Variants in SHC1 observed in about 807,000 individuals in gnomAD.
SHC1 encodes SHC-transforming protein 1.
SHC1 carries 30 observed loss-of-function variants against 55.9 expected under a neutral mutation model. The observed-to-expected ratio is 0.54, with a 90% CI of 0.40 to 0.73. The LOEUF is 0.73. Ranked by LOEUF, SHC1 falls within the 30% of genes least tolerant of loss-of-function variation. The probability of loss-of-function intolerance (pLI) is 0.00; values close to 1 mark genes in which losing one functional copy is unlikely to be tolerated. For synonymous variants in SHC1, 309 were observed against 306.1 expected, an observed-to-expected ratio of 1.01 and a Z score of -0.10; for missense variants, 675 against 777.1, an observed-to-expected ratio of 0.87 and a Z score of 1.56.
In SHC1 at chr1:154,963,792, G is replaced by A. The variant is rs569900734; in HGVS notation, c.*11C>T. 5.0e-6 allele frequency: 8 copies of A among 1,613,258 alleles called. No individual in the cohort carries two copies. Among genetic ancestry groups the A allele is most frequent in the South Asian group, 3.3e-5 (3 of 91,030 alleles). ...TGGAGGGCATCTTCTGGAAGAGAGC[G>A]CTAGGGCAGATCACAGTTTCCGCTC... On this transcript the variant is annotated 3_prime_UTR_variant, in exon 12 of 12. Transcript: ENST00000448116.
At chr1:154,969,648 A>ACCT (rs1656481637) in intron 1 of SHC1, among the ~76,000 whole-genome samples, 200 bp from the exon 2 acceptor site, 1 of 152,312 alleles carries the variant, frequency 6.6e-6, no homozygotes, top group African/African-American at 2.4e-5. Flanking sequence ...GGCTAGAAGG[A>ACCT]CCTCACACAC....
chr1:154,964,336 G>A (rs1301530881), intron 11 of SHC1: 1 of 463,368 alleles, frequency 2.2e-6, no homozygotes, highest in South Asian at 1.6e-5. Flanking sequence ...GGGAGTTCAA[G>A]AACAGCTTGG....
At chr1:154,965,475 A>AG in intron 11 of SHC1, 68 bp downstream of exon 11, 2 of 1,613,490 alleles carry the variant, frequency 1.2e-6, no homozygotes, top group Non-Finnish European at 1.7e-6. Context: ...GGGAAGGAAG[A>AG]GGGATACACT....
Position 154,963,661 on chromosome 1 carries a change from G to A in SHC1, c.*142C>T. ...TGACTCAAACCCTCTCACTCAGCTG[G>A]ATATGAAACCCAGAGTCCATGCTAC... On this transcript the variant is annotated 3_prime_UTR_variant, in exon 12 of 12. Transcript: ENST00000448116. 1.3e-6 allele frequency: 1 copy of A among 775,714 alleles called. No homozygotes were observed. The highest frequency in any genetic ancestry group is 2.1e-6 in the Non-Finnish European group (1 of 483,074). 48.1% of individuals were successfully genotyped at this position (775,714 alleles called of 1,614,324 possible).
Position 154,962,368 on chromosome 1 carries a change from A to G in SHC1, c.*1435T>C, listed in dbSNP as rs2102002639. ...GTGAGACCCGTGGAAACATCCAAACAGCAAAAGGAGGCCAGGATGAAAACG... is the reference window on the plus strand; with the variant it reads ...GTGAGACCCGTGGAAACATCCAAACGGCAAAAGGAGGCCAGGATGAAAACG... On this transcript the variant is annotated 3_prime_UTR_variant, in exon 12 of 12. Transcript: ENST00000448116. 6.5e-6 allele frequency: 1 copy of G among 152,922 alleles called. No homozygotes were observed. Among genetic ancestry groups the G allele is most frequent in the East Asian group, 1.9e-4 (1 of 5,314 alleles). 9.5% of individuals were successfully genotyped at this position (152,922 alleles called of 1,614,324 possible).
intron 1 of SHC1, 48 bp downstream of exon 1, chr1:154,969,984 G>A: frequency 6.2e-7 from 1 of 1,604,396 alleles, no homozygotes; most frequent in Non-Finnish European, 8.5e-7. Context: ...GTGAGCATTA[G>A]AACTGGAGGG....
At chr1:154,970,748 G>C (rs895695381), upstream of SHC1, 1 of 476,006 alleles carries the variant, frequency 2.1e-6, no homozygotes. The surrounding 1 kb of genome is among the most constrained non-coding windows in gnomAD (Gnocchi z 5.5). Flanking sequence ...CCTCTTCTCT[G>C]GCTGAGAAGA....
At position 154,963,593 on chromosome 1, in the gene SHC1, G is replaced by T; in HGVS notation, c.*210C>A. 1.8e-6 allele frequency: 1 copy of T among 547,552 alleles called. No homozygotes were observed. The highest frequency in any genetic ancestry group is 3.3e-6 in the Non-Finnish European group (1 of 305,620). 33.9% of individuals were successfully genotyped at this position (547,552 alleles called of 1,614,324 possible). A position where few individuals can be genotyped will look rare whatever the true frequency, so the allele number is the denominator to read the frequency against. On this transcript the variant is annotated 3_prime_UTR_variant, in exon 12 of 12. Transcript: ENST00000448116. ...GGCCACTCTGTACATTAATACTTTG[G>T]TGATTAATGTTTGGGGAGAGGCAGG...
At chr1:154,965,908 A>T (rs766319330) in intron 10 of SHC1, 38 bp downstream of exon 10, 1 of 1,592,038 alleles carries the variant, frequency 6.3e-7, no homozygotes, top group African/African-American at 1.3e-5. Context: ...ACCAAGTAGA[A>T]AGGTGGGGAT....
rs1166781333 is a variant in SHC1, at chr1:154,968,215, C to T, written c.793G>A (p.Gly265Ser). 4 of 1,614,086 alleles carry T rather than the reference C, an allele frequency of 2.5e-6. No individual in the cohort carries two copies. Among genetic ancestry groups the T allele is most frequent in the Admixed American group, 1.7e-5 (1 of 60,020 alleles). ...HHMQSISFAS[G>S]GDPDTAEYVA... ...GTTCCCCAACTCACCGGATCCCCGC[C>T]GGATGCAAATGAGATAGATTGCATG... is the stretch of plus-strand genomic sequence containing the variant. Residue 265 changes from glycine (G) to serine (S), a missense_variant, in exon 5 of 12, where the codon GGC (glycine) becomes AGC (serine). This residue lies in a region of SHC1 where 159 missense variants were observed against 246.9 expected (regional missense o/e 0.64). Coordinates refer to ENST00000448116, the MANE Select transcript of SHC1 (RefSeq NM_001130040.2).
chr1:154,964,794 G>A (rs1473768553), intron 11 of SHC1, among the ~76,000 whole-genome samples: 3 of 152,212 alleles, frequency 2.0e-5, no homozygotes, highest in Non-Finnish European at 2.9e-5. Flanking sequence ...AGAACAGTGA[G>A]GCAGTGCAGA....
In SHC1 at chr1:154,970,321, C is replaced by T. The variant is rs746354170; in HGVS notation, c.206G>A (p.Arg69Lys). ...CSFFPRMSNL[R>K]LANPAGGRPG... ...GCGCCCCCCAGCCGGGTTGGCCAGC[C>T]TCAGGTTGCTCATCCGGGGGAAGAA... Residue 69 changes from arginine to lysine, a missense_variant, in exon 1 of 12, where the codon AGG becomes AAG. Transcript: ENST00000448116. This position sits in a 1 kb window ranked among gnomAD's most constrained non-coding sequence, Gnocchi z 5.5. 14 of 1,605,602 alleles carry T rather than the reference C, an allele frequency of 8.7e-6. No homozygotes were observed. The highest frequency in any genetic ancestry group is 1.7e-6 in the Non-Finnish European group (2 of 1,175,558).
Position 154,967,553 on chromosome 1 carries a change from G to A in SHC1, c.983+118C>T, listed in dbSNP as rs974690359. 8.9e-5 allele frequency: 97 copies of A among 1,091,440 alleles called. 1 individual carries two copies. In the South Asian group the frequency reaches 1.6e-3, roughly 18 times the overall value. 67.6% of individuals were successfully genotyped at this position (1,091,440 alleles called of 1,614,324 possible). A position where few individuals can be genotyped will look rare whatever the true frequency, so the allele number is the denominator to read the frequency against. On this transcript the variant is annotated intron_variant, in intron 7 of 11. Transcript: ENST00000448116. ...GAAACAGAAGAATAGCAGGAAGTGG[G>A]AAGCAGAGGCACACAGGTTATTCCC...
At chr1:154,973,645 C>T (rs959925391), upstream of SHC1, 5 of 152,100 alleles carry the variant, frequency 3.3e-5, no homozygotes, top group African/African-American at 9.7e-5. Flanking sequence ...GAAAACTGAT[C>T]CCAAGGCCCA....
chr1:154,968,289 G>A (rs773415371), intron 4 of SHC1, 32 bp from the exon 5 acceptor site: 5 of 1,611,184 alleles, frequency 3.1e-6, no homozygotes, highest in East Asian at 2.2e-5. Context: ...GAAGAAGGAA[G>A]GGAATGCCAT....
Position 154,968,514 on chromosome 1 carries a change from A to G in SHC1, c.731T>C (p.Met244Thr), listed in dbSNP as rs1656300507. Residue 244 changes from methionine to threonine, a missense_variant, in exon 4 of 12, where the codon ATG becomes ACG. This residue lies in a region of SHC1 where 159 missense variants were observed against 246.9 expected (regional missense o/e 0.64). Transcript: ENST00000448116. ...ACCAACCTGTTTGCAGTCTGCGGCC[A>G]TGAGGTTGAGGCTGCTGGTGGAGAC... Reference protein sequence around the residue: ...LTVSTSSLNLMAADCKQIIAN... With the variant: ...LTVSTSSLNLTAADCKQIIAN... 1 of 1,613,876 alleles carries G rather than the reference A, an allele frequency of 6.2e-7. No homozygotes were observed. The highest frequency in any genetic ancestry group is 1.3e-5 in the African/African-American group (1 of 74,844).
At position 154,963,621 on chromosome 1, in the gene SHC1, T is replaced by C; in HGVS notation, c.*182A>G. 1 of 600,480 alleles carries C rather than the reference T, an allele frequency of 1.7e-6. No homozygotes were observed. Among genetic ancestry groups the C allele is most frequent in the South Asian group, 2.1e-5 (1 of 47,930 alleles). The allele number at this position is 600,480 out of a possible 1,614,324, so 37.2% of individuals were successfully genotyped here. A position where few individuals can be genotyped will look rare whatever the true frequency, so the allele number is the denominator to read the frequency against. On this transcript the variant is annotated 3_prime_UTR_variant, in exon 12 of 12. Transcript: ENST00000448116. ...ATTAATGTTTGGGGAGAGGCAGGAT[T>C]CTCACCCAGGCTTTTGACTCAAACC...
At position 154,970,487 on chromosome 1, in the gene SHC1, G is replaced by A. The variant is rs760408088; in HGVS notation, c.40C>T (p.Arg14Trp). 7 of 1,611,916 alleles carry A rather than the reference G, an allele frequency of 4.3e-6. No individual in the cohort carries two copies. In the African/African-American group the frequency reaches 5.3e-5, roughly 12 times the overall value. The part of the protein sequence containing the change: ...LPPKPKYNPL[R>W]NESLSSLEEG... Reference sequence around the variant, plus strand: ...TCCAGCGATGACAGAGACTCATTCCGGAGTGGATTGTACTTGGGCTTGGGG... The same window carrying A: ...TCCAGCGATGACAGAGACTCATTCCAGAGTGGATTGTACTTGGGCTTGGGG... Residue 14 changes from arginine (R) to tryptophan (W), a missense_variant, in exon 1 of 12, where the codon CGG becomes TGG. Physicochemically the swap from Arg to Trp is moderately radical, Grantham distance 101. Transcript: ENST00000448116. This position sits in a 1 kb window ranked among gnomAD's most constrained non-coding sequence, Gnocchi z 5.5.
chr1:154,970,052 C>T lies in SHC1; in HGVS notation c.475G>A (p.Gly159Arg). The change falls in exon 1 of 12, where the codon GGG becomes AGG. Residue 159 changes from glycine to arginine, a missense_variant. Gly to Arg is a moderately radical substitution (Grantham distance 125). Coordinates refer to ENST00000448116, the MANE Select transcript of SHC1 (RefSeq NM_001130040.2). This position sits in a 1 kb window ranked among gnomAD's most constrained non-coding sequence, Gnocchi z 5.5. ...CTCACCCGAACCAAGTAGGAAACCCCGGGTCCCATGACTTTGTCGTTGGGA... is the reference window on the plus strand; with the variant it reads ...CTCACCCGAACCAAGTAGGAAACCCTGGGTCCCATGACTTTGTCGTTGGGA... ...LHPNDKVMGP[G>R]VSYLVRYMGC... The T allele has an allele frequency of 6.2e-7, 1 of 1,613,946 alleles. No individual in the cohort carries two copies. The highest frequency in any genetic ancestry group is 1.3e-5 in the African/African-American group (1 of 75,018).
Sources: allele counts gnomAD v4.1 joint callset (sites outside exome capture counted in the v4.1 genomes callset), GRCh38; gene constraint gnomAD v4.1.1; regional missense constraint gnomAD v4.1.1; non-coding constraint Gnocchi (gnomAD v3.1); transcripts MANE v1.5; gene names NCBI Gene and HGNC (gene_info 2026-07-23, HGNC 2026-07-21).